The following TENM3 variants were observed in gnomAD, a reference collection of about 807,000 sequenced individuals.
TENM3 encodes the protein teneurin-3.
A neutral mutation model predicts 255.1 loss-of-function variants in TENM3; 63 were observed. The ratio of observed to expected loss-of-function variants is 0.25; its 90% CI spans 0.20 to 0.30. The LOEUF is 0.30. TENM3 is among the 10% of genes least tolerant of loss of function. The probability of loss-of-function intolerance (pLI) is 1.00; values close to 1 mark genes in which losing one functional copy is unlikely to be tolerated. For synonymous variants in TENM3, 1,306 were observed against 1,322.3 expected (o/e 0.99, Z 0.27); for missense variants, 2,929 against 3,461.1 (o/e 0.85, Z 3.86).
the TENM3 span, among the ~76,000 whole-genome samples, chr4:181,599,080 G>A: frequency 9.2e-3 from 1,407 of 152,292 alleles, 28 homozygotes; most frequent in Admixed American, 0.034. Flanking sequence ...TTAGGTGAAA[G>A]GTTGTGTAAG....
chr4:182,713,501 C>T (rs899270378), intron 12 of TENM3, among the ~76,000 whole-genome samples: 18 of 152,128 alleles, frequency 1.2e-4, no homozygotes, highest in African/African-American at 4.3e-4. Context: ...GTCATTAATC[C>T]TGGCCTATAC....
At chr4:182,012,049 G>A in the TENM3 span, among the ~76,000 whole-genome samples, 1 of 152,242 alleles carries the variant, frequency 6.6e-6, no homozygotes, top group East Asian at 1.9e-4. Flanking sequence ...TGAATGACAA[G>A]GTTTCAGATT....
chr4:182,069,646 C>T, the TENM3 span, among the ~76,000 whole-genome samples: 2 of 151,680 alleles, frequency 1.3e-5, no homozygotes, highest in Non-Finnish European at 2.9e-5. Flanking sequence ...TATTACCAAA[C>T]CTGGGACATC....
At chr4:182,214,512 GTATTTATTTATT>G (rs56013840) in intron 1 of TENM3, among the ~76,000 whole-genome samples, 68 of 147,166 alleles carry the variant, frequency 4.6e-4, no homozygotes, top group Non-Finnish European at 6.7e-4. Flanking sequence ...TCTATTTATT[GTATTTATTTATT>G]TATTTATTTA....
chr4:181,474,043 A>T, the TENM3 span, among the ~76,000 whole-genome samples: 1 of 152,054 alleles, frequency 6.6e-6, no homozygotes, highest in African/African-American at 2.4e-5. Context: ...ACTGTAAAAG[A>T]CTAGAACTAC....
chr4:182,449,080 C>A, intron 3 of TENM3: 2 of 296,478 alleles, frequency 6.7e-6, no homozygotes, highest in Non-Finnish European at 1.3e-5. Flanking sequence ...CGCGCCGCGG[C>A]AAGGTGGGTG....
chr4:181,953,917 T>A, the TENM3 span, among the ~76,000 whole-genome samples: 1 of 152,212 alleles, frequency 6.6e-6, no homozygotes, highest in African/African-American at 2.4e-5. Context: ...CTGAACGTTT[T>A]CTTGTGACCC....
chr4:181,624,448 A>AG, the TENM3 span, among the ~76,000 whole-genome samples: 2 of 152,228 alleles, frequency 1.3e-5, no homozygotes, highest in South Asian at 2.1e-4. Flanking sequence ...GTGGAAAAAA[A>AG]TTAGTAAACA....
chr4:182,093,304 T>C, the TENM3 span, among the ~76,000 whole-genome samples: 5 of 152,180 alleles, frequency 3.3e-5, no homozygotes, highest in Non-Finnish European at 5.9e-5. Flanking sequence ...GGGAAGTTTA[T>C]TCAAAGCTCT....
the TENM3 span, chr4:181,980,332 A>C: frequency 1.3e-5 from 2 of 152,304 alleles, no homozygotes; most frequent in Admixed American, 6.5e-5. Flanking sequence ...CCAGGGTCCC[A>C]TATCACCGGG....
At chr4:182,443,709 G>A (rs1319911325) in intron 3 of TENM3, among the ~76,000 whole-genome samples, 1 of 152,066 alleles carries the variant, frequency 6.6e-6, no homozygotes, top group African/African-American at 2.4e-5. Context: ...CCTACAAAGA[G>A]TCCAGACCTC....
At chr4:181,476,744 T>C in the TENM3 span, among the ~76,000 whole-genome samples, 1 of 152,182 alleles carries the variant, frequency 6.6e-6, no homozygotes, top group South Asian at 2.1e-4. Flanking sequence ...GAGCTGGTGA[T>C]GGCCATAGTC....
At chr4:181,795,469 A>G in the TENM3 span, among the ~76,000 whole-genome samples, 9 of 152,242 alleles carry the variant, frequency 5.9e-5, no homozygotes, top group East Asian at 9.7e-4. Flanking sequence ...CTTATTGGTT[A>G]TTTGGGCTTC....
the TENM3 span, among the ~76,000 whole-genome samples, chr4:182,049,194 C>T: frequency 6.6e-6 from 1 of 152,126 alleles, no homozygotes; most frequent in Non-Finnish European, 1.5e-5. Context: ...CAATTACTTA[C>T]CATTGACACA....
At chr4:181,909,039 T>A in the TENM3 span, among the ~76,000 whole-genome samples, 1 of 152,240 alleles carries the variant, frequency 6.6e-6, no homozygotes, top group African/African-American at 2.4e-5. Flanking sequence ...TTTTTCAACT[T>A]GACTTCTGCC....
intron 1 of TENM3, among the ~76,000 whole-genome samples, chr4:182,279,430 G>A (rs1366497443): frequency 6.6e-6 from 1 of 152,180 alleles, no homozygotes; most frequent in East Asian, 1.9e-4. Flanking sequence ...GGACATACAT[G>A]TAGATGACAT....
chr4:182,309,571 T>C (rs1027635631), intron 1 of TENM3, among the ~76,000 whole-genome samples: 1 of 152,222 alleles, frequency 6.6e-6, no homozygotes, highest in Non-Finnish European at 1.5e-5. Context: ...ACAAAAATAT[T>C]TGGATAACAT....
chr4:181,532,716 G>T, the TENM3 span, among the ~76,000 whole-genome samples: 516 of 152,280 alleles, frequency 3.4e-3, 4 homozygotes, highest in African/African-American at 0.012. Flanking sequence ...CCAAAGAGGA[G>T]AGGACATTTC....
rs542663086 is a variant in TENM3, at chr4:182,475,446, TACTC to T, written c.512-125476_512-125473del. ...GGGTCAGTTTTGTGAAAGTGTAACT[TACTC>T]AACAGAATGACTTGATGGAAGTTGT... On this transcript the variant is annotated intron_variant, in intron 3 of 27. Coordinates refer to ENST00000511685, the MANE Select transcript of TENM3 (RefSeq NM_001080477.4). 8.5e-5 allele frequency among the ~76,000 whole-genome samples: 13 copies of T among 152,230 alleles called. No individual in the cohort carries two copies. In the East Asian group the frequency reaches 2.1e-3, roughly 25 times the overall value.
Sources: allele counts gnomAD v4.1 joint callset (sites outside exome capture counted in the v4.1 genomes callset), GRCh38; gene constraint gnomAD v4.1.1; transcripts MANE v1.5; gene names NCBI Gene and HGNC (gene_info 2026-07-23, HGNC 2026-07-21).